The following IMMP2L variants were observed in gnomAD, a reference collection of about 807,000 sequenced individuals.
IMMP2L encodes the protein inner mitochondrial membrane peptidase subunit 2.
Under a neutral mutation model 19.3 loss-of-function variants are expected in IMMP2L, and 18 were observed. The ratio of observed to expected loss-of-function variants is 0.93; its 90% CI spans 0.64 to 1.38. IMMP2L has a LOEUF of 1.38. Ranked by LOEUF, IMMP2L falls within the 40% of genes most tolerant of loss-of-function variation. The pLI, the probability that IMMP2L is intolerant of heterozygous loss-of-function variation, is 0.00. For synonymous variants in IMMP2L, 76 were observed against 73.0 expected, an observed-to-expected ratio of 1.04 and a Z score of -0.21; for missense variants, 233 against 218.2, an observed-to-expected ratio of 1.07 and a Z score of -0.43.
At chr7:111,258,765 T>C (rs774654171) in intron 3 of IMMP2L, among the ~76,000 whole-genome samples, 1 of 152,084 alleles carries the variant, frequency 6.6e-6, no homozygotes, top group Admixed American at 6.6e-5. Context: ...CTTGACTTCC[T>C]AAAGTGCTGG....
chr7:110,955,654 A>G (rs1818283856), intron 4 of IMMP2L, among the ~76,000 whole-genome samples: 1 of 151,980 alleles, frequency 6.6e-6, no homozygotes, highest in Non-Finnish European at 1.5e-5. Context: ...CAGTGTACAA[A>G]TACCCTCTGT....
At position 111,213,938 on chromosome 7, in the gene IMMP2L, A is replaced by T. The variant is rs925083710; in HGVS notation, c.240-250373T>A. ...AAGATAAAAGGTGATTTAAAAAAATAAGACCCAAGTCACATGAATAGTGAA... is the reference window on the plus strand; with the variant it reads ...AAGATAAAAGGTGATTTAAAAAAATTAGACCCAAGTCACATGAATAGTGAA... On this transcript the variant is annotated intron_variant, in intron 3 of 5. Transcript: ENST00000405709. The surrounding 1 kb of genome is among the most constrained non-coding windows in gnomAD (Gnocchi z 4.8). 2.6e-5 allele frequency among the ~76,000 whole-genome samples: 4 copies of T among 152,202 alleles called. No individual in the cohort carries two copies. Among genetic ancestry groups the T allele is most frequent in the African/African-American group, 9.7e-5 (4 of 41,446 alleles).
chr7:110,720,461 T>C (rs1351476160), intron 5 of IMMP2L, among the ~76,000 whole-genome samples: 1 of 152,154 alleles, frequency 6.6e-6, no homozygotes, highest in African/African-American at 2.4e-5. Flanking sequence ...AATGAAACTG[T>C]TCACCACCCC....
At chr7:111,387,975 T>TAAAAAAAAAAAAAAAAAAAAAA (rs750267136) in intron 3 of IMMP2L, among the ~76,000 whole-genome samples, 1 of 93,424 alleles carries the variant, frequency 1.1e-5, no homozygotes, top group African/African-American at 4.6e-5. Flanking sequence ...ACTCTGTCTT[T>TAAAAAAAAAAAAAAAAAAAAAA]AAAAAAAAAA....
At chr7:111,066,310 C>A (rs1482348437) in intron 3 of IMMP2L, among the ~76,000 whole-genome samples, 1 of 151,918 alleles carries the variant, frequency 6.6e-6, no homozygotes, top group East Asian at 1.9e-4. Context: ...GGACAGGAAC[C>A]ACATCTGTAC....
rs1440448580 is a variant in IMMP2L, at chr7:110,760,023, C to G, written c.409-96302G>C. 6.6e-6 allele frequency among the ~76,000 whole-genome samples: 1 copy of G among 152,098 alleles called. No homozygotes were observed. The highest frequency in any genetic ancestry group is 1.5e-5 in the Non-Finnish European group (1 of 68,014). The stretch of plus-strand genomic sequence containing the variant: ...GAGGAGAAAAAAAGCTTCCTTTTCT[C>G]CCCACAATGCCAGTTAAGCCTTCCA... On this transcript the variant is annotated intron_variant, in intron 5 of 5. Transcript: ENST00000405709. The surrounding 1 kb of genome is among the most constrained non-coding windows in gnomAD (Gnocchi z 4.2).
chr7:111,017,664 T>C (rs757717403), intron 3 of IMMP2L, among the ~76,000 whole-genome samples: 2 of 152,104 alleles, frequency 1.3e-5, no homozygotes, highest in Non-Finnish European at 2.9e-5. Flanking sequence ...TACCAGCAGG[T>C]AGAGGTTTCC....
intron 3 of IMMP2L, among the ~76,000 whole-genome samples, chr7:111,088,059 CAAACCCAGACATTGTGGCTCTA>C (rs1224524912): frequency 6.6e-6 from 1 of 152,118 alleles, no homozygotes. Flanking sequence ...GGTAAGGATT[CAAACCCAGACATTGTGGCTCTA>C]AAACCCACAT....
chr7:111,318,380 G>A (rs1483409398), intron 3 of IMMP2L, among the ~76,000 whole-genome samples: 1 of 152,136 alleles, frequency 6.6e-6, no homozygotes, highest in Non-Finnish European at 1.5e-5. Context: ...GGCTGGTGGT[G>A]AAATCTGGTA....
At chr7:110,805,952 T>G (rs1467055624) in intron 5 of IMMP2L, among the ~76,000 whole-genome samples, 1 of 151,948 alleles carries the variant, frequency 6.6e-6, no homozygotes, top group African/African-American at 2.4e-5. Flanking sequence ...CTAGTCTATT[T>G]TCAGTGAAGA....
At chr7:111,136,861 T>A (rs75102385) in intron 3 of IMMP2L, among the ~76,000 whole-genome samples, 1 of 152,146 alleles carries the variant, frequency 6.6e-6, no homozygotes, top group African/African-American at 2.4e-5. Context: ...AGCAACCATA[T>A]TTTATATTAT....
chr7:111,060,618 T>A (rs1419777426), intron 3 of IMMP2L, among the ~76,000 whole-genome samples: 2 of 152,222 alleles, frequency 1.3e-5, no homozygotes, highest in Admixed American at 1.3e-4. Context: ...TTTCTAAGCA[T>A]CAGTCTTAAA....
chr7:111,003,394 T>C (rs1823931137), intron 3 of IMMP2L, among the ~76,000 whole-genome samples: 1 of 152,232 alleles, frequency 6.6e-6, no homozygotes. Flanking sequence ...AAAATATCCC[T>C]GCTGCATAAA....
At chr7:110,701,002 T>C (rs1054195804) in intron 5 of IMMP2L, among the ~76,000 whole-genome samples, 2 of 152,214 alleles carry the variant, frequency 1.3e-5, no homozygotes, top group African/African-American at 2.4e-5. Context: ...ATATAAATTA[T>C]TTTTAACAGA....
intron 3 of IMMP2L, among the ~76,000 whole-genome samples, chr7:110,987,126 A>G (rs1388324604): frequency 1.3e-5 from 2 of 152,198 alleles, no homozygotes; most frequent in African/African-American, 4.8e-5. Flanking sequence ...CTATTTACCT[A>G]TAGTATATGG....
At chr7:111,402,079 C>T (rs1342295782) in intron 3 of IMMP2L, among the ~76,000 whole-genome samples, 2 of 150,284 alleles carry the variant, frequency 1.3e-5, no homozygotes, top group African/African-American at 4.9e-5. Context: ...TTGTGAATTG[C>T]CACTGCACTC....
chr7:111,469,646 G>A (rs1049543629), intron 3 of IMMP2L, among the ~76,000 whole-genome samples: 3 of 152,068 alleles, frequency 2.0e-5, no homozygotes, highest in African/African-American at 7.2e-5. Context: ...TTTAATAAAT[G>A]GTGCTGGGAA....
At chr7:111,151,035 C>CT (rs1478100302) in intron 3 of IMMP2L, among the ~76,000 whole-genome samples, 1 of 152,142 alleles carries the variant, frequency 6.6e-6, no homozygotes, top group Non-Finnish European at 1.5e-5. Flanking sequence ...GAATACTGTC[C>CT]TGGGATTCTT....
At chr7:111,036,730 A>C (rs1316086163) in intron 3 of IMMP2L, among the ~76,000 whole-genome samples, 4 of 152,148 alleles carry the variant, frequency 2.6e-5, no homozygotes, top group Non-Finnish European at 2.9e-5. Context: ...GAATTCTATC[A>C]TATATTCTTG....
Sources: allele counts gnomAD v4.1 joint callset (sites outside exome capture counted in the v4.1 genomes callset), GRCh38; gene constraint gnomAD v4.1.1; non-coding constraint Gnocchi (gnomAD v3.1); transcripts MANE v1.5; gene names NCBI Gene and HGNC (gene_info 2026-07-23, HGNC 2026-07-21).